The following SPATA3 variants were observed in gnomAD, a reference collection of about 807,000 sequenced individuals.
SPATA3 encodes the protein spermatogenesis associated 3.
SPATA3 carries 6 observed loss-of-function variants against 5.7 expected under a neutral mutation model. The ratio of observed to expected loss-of-function variants is 1.06; its 90% CI spans 0.58 to 2.09. The LOEUF (loss-of-function observed/expected upper bound fraction) is 2.09, where lower values mean the gene tolerates loss of function less well. Among genes scored for constraint, SPATA3 ranks in the 30% most tolerant of loss-of-function variants. The pLI, the probability that SPATA3 is intolerant of heterozygous loss-of-function variation, is 0.00. For synonymous variants in SPATA3, 44 were observed against 48.4 expected (o/e 0.91, Z 0.37); for missense variants, 155 against 130.4 (o/e 1.19, Z -0.92).
Position 230,996,635 on chromosome 2 carries a change from G to A in SPATA3, c.791-3731G>A, listed in dbSNP as rs9973766. 2,187 of 1,384,106 alleles carry A rather than the reference G, an allele frequency of 1.6e-3. 27 individuals are homozygous for A. In the African/African-American group the frequency reaches 0.027, roughly 17 times the overall value. 85.7% of individuals were successfully genotyped at this position (1,384,106 alleles called of 1,614,324 possible). ...TGTAGGATAGTGATGCATGGTTAACGTGTATCCTGGAGCTGTGCTGTAGAG... is the reference window on the plus strand; with the variant it reads ...TGTAGGATAGTGATGCATGGTTAACATGTATCCTGGAGCTGTGCTGTAGAG... On this transcript the variant is annotated intron_variant, in intron 1 of 2. Transcript: ENST00000645363.
At chr2:231,013,647 T>C (rs145908104) in intron 5 of SPATA3, among the ~76,000 whole-genome samples, 3,522 of 152,222 alleles carry the variant, frequency 0.023, 55 homozygotes, top group South Asian at 0.031. Flanking sequence ...TGTGCCACCA[T>C]GCCTGGCTAA....
At chr2:230,996,644 G>T in intron 1 of SPATA3, 110 bp downstream of exon 1, 1 of 1,354,938 alleles carries the variant, frequency 7.4e-7, no homozygotes, top group African/African-American at 1.5e-5. Flanking sequence ...CGTGTATCCT[G>T]GAGCTGTGCT....
At chr2:230,997,691 A>G (rs1692180080) in intron 1 of SPATA3, among the ~76,000 whole-genome samples, 1 of 152,216 alleles carries the variant, frequency 6.6e-6, no homozygotes, top group Admixed American at 6.5e-5. Flanking sequence ...CTGTCAGGAA[A>G]AGTGGTTCCC....
chr2:231,005,451 CCACCACCACCACCACCACCATCAT>C (rs1692570642), downstream of SPATA3, among the ~76,000 whole-genome samples: 1 of 84,458 alleles, frequency 1.2e-5, no homozygotes, highest in African/African-American at 4.6e-5. Context: ...ACCACCATCA[CCACCACCACCACCACCACCATCAT>C]CACCACCACC....
chr2:231,019,161 G>A (rs913994565), intron 6 of SPATA3, among the ~76,000 whole-genome samples: 51 of 151,358 alleles, frequency 3.4e-4, no homozygotes, highest in Non-Finnish European at 6.5e-4. Flanking sequence ...AGTAGAGACG[G>A]GGTTTCACCA....
chr2:231,002,616 T>C, intron 2 of SPATA3, 68 bp from the exon 3 acceptor site: 1 of 983,490 alleles, frequency 1.0e-6, no homozygotes, highest in Non-Finnish European at 1.4e-6. Context: ...AATTTCCACT[T>C]TCTCCTGTTC....
chr2:231,004,381 G>T (rs998213318), downstream of SPATA3, among the ~76,000 whole-genome samples: 1 of 152,144 alleles, frequency 6.6e-6, no homozygotes, highest in Non-Finnish European at 1.5e-5. Flanking sequence ...ACATGGAGGT[G>T]GTGGGAAGGA....
intron 6 of SPATA3, among the ~76,000 whole-genome samples, chr2:231,016,043 A>C (rs1692925991): frequency 6.6e-6 from 1 of 152,126 alleles, no homozygotes; most frequent in Non-Finnish European, 1.5e-5. Flanking sequence ...TGAAGCCCCC[A>C]CTTTCCCTGT....
chr2:231,018,168 G>A (rs982157875), intron 6 of SPATA3, among the ~76,000 whole-genome samples: 14 of 151,826 alleles, frequency 9.2e-5, no homozygotes, highest in South Asian at 2.1e-4. Context: ...CAGGTGATCC[G>A]CCCGCCTCAG....
chr2:231,011,640 A>G (rs1454418596), downstream of SPATA3, among the ~76,000 whole-genome samples: 2 of 110,662 alleles, frequency 1.8e-5, no homozygotes, highest in Non-Finnish European at 3.4e-5. Context: ...CCTGGCACCC[A>G]GGCCATCCCG....
At chr2:231,008,204 G>A (rs1216753550), downstream of SPATA3, among the ~76,000 whole-genome samples, 1 of 151,844 alleles carries the variant, frequency 6.6e-6, no homozygotes, top group African/African-American at 2.4e-5. Flanking sequence ...GTAACCTGTT[G>A]GTCTTGGAGA....
intron 1 of SPATA3, among the ~76,000 whole-genome samples, chr2:230,998,138 C>T (rs1241960183): frequency 3.9e-5 from 6 of 152,186 alleles, no homozygotes; most frequent in Non-Finnish European, 5.9e-5. Flanking sequence ...CCAGTGCCCA[C>T]GACTCCATAG....
chr2:231,019,161 G>T (rs913994565), intron 6 of SPATA3, among the ~76,000 whole-genome samples: 3 of 151,242 alleles, frequency 2.0e-5, no homozygotes, highest in East Asian at 1.9e-4. Context: ...AGTAGAGACG[G>T]GGTTTCACCA....
intron 6 of SPATA3, among the ~76,000 whole-genome samples, chr2:231,015,026 A>T (rs914904345): frequency 8.6e-5 from 13 of 151,802 alleles, no homozygotes; most frequent in Non-Finnish European, 1.5e-4. Flanking sequence ...GAAATCCTAC[A>T]GGGAGTCCCA....
intron 6 of SPATA3, among the ~76,000 whole-genome samples, chr2:231,019,002 T>G (rs1693005390): frequency 6.9e-6 from 1 of 145,280 alleles, no homozygotes; most frequent in South Asian, 2.1e-4. Context: ...AGTCTCACTC[T>G]GTTGCCCAGG....
chr2:230,998,315 G>A (rs902963598), intron 1 of SPATA3, among the ~76,000 whole-genome samples: 1 of 152,204 alleles, frequency 6.6e-6, no homozygotes, highest in Non-Finnish European at 1.5e-5. Flanking sequence ...TTGATTTTGA[G>A]CACCATACTA....
At chr2:231,010,344 T>C (rs1677713695), downstream of SPATA3, among the ~76,000 whole-genome samples, 2 of 152,318 alleles carry the variant, frequency 1.3e-5, no homozygotes, top group South Asian at 4.1e-4. Context: ...ATAGACTATG[T>C]GGGGAACCCA....
intron 6 of SPATA3, among the ~76,000 whole-genome samples, chr2:231,019,397 C>G (rs1159792265): frequency 6.7e-6 from 1 of 150,200 alleles, no homozygotes; most frequent in Non-Finnish European, 1.5e-5. Context: ...GATCTCAGCT[C>G]ACTGCAAGCT....
chr2:231,015,902 G>A (rs1692922638), intron 6 of SPATA3, among the ~76,000 whole-genome samples: 2 of 152,230 alleles, frequency 1.3e-5, no homozygotes, highest in Non-Finnish European at 2.9e-5. Context: ...CTGTGAAGCA[G>A]ACCAAGATTT....
Sources: allele counts gnomAD v4.1 joint callset (sites outside exome capture counted in the v4.1 genomes callset), GRCh38; gene constraint gnomAD v4.1.1; transcripts MANE v1.5; gene names NCBI Gene and HGNC (gene_info 2026-07-23, HGNC 2026-07-21).